The following DYNC1H1 variants were observed in gnomAD, a reference collection of about 807,000 sequenced individuals.
DYNC1H1 encodes the protein dynein cytoplasmic 1 heavy chain 1.
A neutral mutation model predicts 527.1 loss-of-function variants in DYNC1H1; 51 were observed. The ratio of observed to expected loss-of-function variants is 0.10; its 90% confidence interval spans 0.08 to 0.12. The LOEUF is 0.12. DYNC1H1 is among the 10% of genes least tolerant of loss of function. The probability of loss-of-function intolerance (pLI) is 1.00; values close to 1 mark genes in which losing one functional copy is unlikely to be tolerated. For missense variants in DYNC1H1, 2,771 were observed against 5,971.8 expected (o/e 0.46, Z 17.66); for synonymous variants, 2,189 against 2,278.8 (o/e 0.96, Z 1.12).
chr14:102,039,348 C>A lies in DYNC1H1; in HGVS notation c.11461-64C>A. On this transcript the variant is annotated intron_variant, in intron 60 of 77. Transcript: ENST00000360184. The surrounding 1 kb of genome is among the most constrained non-coding windows in gnomAD (Gnocchi z 7.0). ...CGGGCCCTGCACAGTAGCTCCTTGG[C>A]CACGCAGAAGTTCAGCGGGGTGCCG... 1 of 1,611,710 alleles carries A rather than the reference C, an allele frequency of 6.2e-7. No homozygotes were observed. Among genetic ancestry groups the A allele is most frequent in the African/African-American group, 1.3e-5 (1 of 75,030 alleles).
In DYNC1H1 at chr14:102,039,251, G is replaced by A. The variant is rs756719644; in HGVS notation, c.11457G>A (p.Lys3819=). Residue 3819 remains lysine, a synonymous_variant, in exon 60 of 78, where the codon AAG becomes AAA. Transcript: ENST00000360184. This position sits in a 1 kb window ranked among gnomAD's most constrained non-coding sequence, Gnocchi z 7.0. ...SSIYFTMESL[K]QIHFLYQYSL... is the part of the protein sequence containing the mutation. ...TCTACTTCACCATGGAGTCCCTCAA[G>A]CAGGTGGGTGCCTTGGCCATGCAGA... 1 of 1,613,386 alleles carries A rather than the reference G, an allele frequency of 6.2e-7. No homozygotes were observed. The highest frequency in any genetic ancestry group is 8.5e-7 in the Non-Finnish European group (1 of 1,180,024).
chr14:101,982,876 C>T (rs2047884727), intron 5 of DYNC1H1, 143 bp from the exon 6 acceptor site: 1 of 991,974 alleles, frequency 1.0e-6, no homozygotes, highest in Non-Finnish European at 1.5e-6. Context: ...CTGTTAATAA[C>T]GTGTTGTTTT....
In DYNC1H1 at chr14:102,041,748, A is replaced by G. The variant is rs759719669; in HGVS notation, c.12102+14A>G. ...GTGGGCACAGAGGTAATGTCCTGGT[A>G]CAGCCCGGGCTTCCCACGAGACTCC... On this transcript the variant is annotated intron_variant, in intron 65 of 77. Coordinates refer to ENST00000360184, the MANE Select transcript of DYNC1H1 (RefSeq NM_001376.5). The surrounding 1 kb of genome is among the most constrained non-coding windows in gnomAD (Gnocchi z 4.5). 4 of 1,613,766 alleles carry G rather than the reference A, an allele frequency of 2.5e-6. No homozygotes were observed. The Admixed American group carries it at 6.7e-5, about 27-fold the overall frequency.
At chr14:102,030,050 G>A in intron 50 of DYNC1H1, 112 bp downstream of exon 50, 3 of 1,563,568 alleles carry the variant, frequency 1.9e-6, no homozygotes, top group South Asian at 1.1e-5. Context: ...GGGAGGGAGG[G>A]AGAGAGAGTG....
intron 1 of DYNC1H1, among the ~76,000 whole-genome samples, chr14:101,973,238 A>G (rs2047760109): frequency 6.7e-6 from 1 of 149,606 alleles, no homozygotes; most frequent in Non-Finnish European, 1.5e-5. Context: ...AGCTCACTGC[A>G]ACCTCCACCT....
In DYNC1H1 at chr14:102,036,298, A is replaced by G. The variant is rs527539123; in HGVS notation, c.10755-191A>G. ...TACCTCCTCATGCCAATAGTTGTTC[A>G]AAAGGATGAGGTGATGTTAGCATTA... On this transcript the variant is annotated intron_variant, in intron 56 of 77. Transcript: ENST00000360184. The surrounding 1 kb of genome is among the most constrained non-coding windows in gnomAD (Gnocchi z 5.6). The G allele has an allele frequency of 1.1e-5, 7 of 645,628 alleles. No homozygotes were observed. The highest frequency in any genetic ancestry group is 1.9e-5 in the Non-Finnish European group (7 of 368,146). 40.0% of individuals were successfully genotyped at this position (645,628 alleles called of 1,614,324 possible). A position where few individuals can be genotyped will look rare whatever the true frequency, so the allele number is the denominator to read the frequency against.
rs2048401582 is a variant in DYNC1H1, at chr14:102,022,811, G to T, written c.8568G>T (p.Lys2856Asn). The T allele has an allele frequency of 6.2e-7, 1 of 1,614,088 alleles. No homozygotes were observed. The highest frequency in any genetic ancestry group is 1.7e-5 in the Admixed American group (1 of 60,006). ...AGAACATCGACACGGTTGCTCTGAA[G>T]CACTTCCCTAACATCGACAGAGAGA... ...TDENIDTVAL[K>N]HFPNIDREKA... is the part of the protein sequence containing the mutation. The change falls in exon 43 of 78, where the codon AAG becomes AAT. Residue 2856 changes from lysine to asparagine, a missense_variant. Around this residue, in one of 32 missense-constraint regions of DYNC1H1, gnomAD observed 163 missense variants for 346.9 expected, o/e 0.47. Transcript: ENST00000360184.
intron 52 of DYNC1H1, 178 bp downstream of exon 52, chr14:102,032,645 A>T (rs1044474904): frequency 3.8e-6 from 3 of 789,318 alleles, no homozygotes; most frequent in Non-Finnish European, 6.2e-6. Context: ...TGAGCCTAGG[A>T]GTTAGAGACC....
rs1567028855 is a variant in DYNC1H1 at position 102,056,117 on chromosome 14, C to A, written c.*5554C>A. ...AAAGACAGGCAGCCCGGCGCCAGGCCCAAAACCAGGCCTGGGCCTGCCTGG... is the reference window on the plus strand; with the variant it reads ...AAAGACAGGCAGCCCGGCGCCAGGCACAAAACCAGGCCTGGGCCTGCCTGG... On this transcript the variant is annotated 3_prime_UTR_variant, in exon 78 of 78. Coordinates refer to ENST00000360184, the MANE Select transcript of DYNC1H1 (RefSeq NM_001376.5). The A allele has an allele frequency of 6.6e-6, 1 of 152,180 alleles. No individual in the cohort carries two copies. The highest frequency in any genetic ancestry group is 1.9e-4 in the East Asian group (1 of 5,188). The allele number at this position is 152,180 out of a possible 1,614,324, so 9.4% of individuals were successfully genotyped here.
rs1566997890 is a variant in DYNC1H1 at position 101,983,466 on chromosome 14, A to C, written c.1318A>C (p.Arg440=). ...LQVLLRDIVK[R]KREENLKMVW... is the part of the protein sequence containing the mutation. ...GGTATTGTTGAGAGACATCGTCAAAAGAAAAAGGGAAGAAAATCTGAAGAT... is the reference window on the plus strand; with the variant it reads ...GGTATTGTTGAGAGACATCGTCAAACGAAAAAGGGAAGAAAATCTGAAGAT... Residue 440 remains arginine (R), a synonymous_variant, in exon 7 of 78, where the codon AGA becomes CGA. Transcript: ENST00000360184. This position sits in a 1 kb window ranked among gnomAD's most constrained non-coding sequence, Gnocchi z 5.3. 3.1e-6 allele frequency: 5 copies of C among 1,614,046 alleles called. No homozygotes were observed. The highest frequency in any genetic ancestry group is 4.2e-6 in the Non-Finnish European group (5 of 1,180,042).
chr14:102,032,101 A>G (rs544636158), intron 51 of DYNC1H1, among the ~76,000 whole-genome samples, 171 bp from the exon 52 acceptor site: 8 of 152,324 alleles, frequency 5.3e-5, no homozygotes, highest in South Asian at 4.1e-4. Context: ...TACTTACCCT[A>G]TTCCAGAGGG....
chr14:101,978,505 G>A (rs1370135003), intron 2 of DYNC1H1, among the ~76,000 whole-genome samples: 1 of 152,112 alleles, frequency 6.6e-6, no homozygotes, highest in Non-Finnish European at 1.5e-5. Context: ...ACTGGCAAGG[G>A]AATTAGAAAA....
Position 101,983,589 on chromosome 14 carries a change from G to C in DYNC1H1, c.1441G>C (p.Val481Leu), listed in dbSNP as rs770305875. The change falls in exon 7 of 78, where the codon GTC (valine) becomes CTC (leucine). Residue 481 changes from valine to leucine, a missense_variant. Around this residue, in one of 32 missense-constraint regions of DYNC1H1, gnomAD observed 264 missense variants for 619.4 expected, o/e 0.43. Transcript: ENST00000360184. This position sits in a 1 kb window ranked among gnomAD's most constrained non-coding sequence, Gnocchi z 5.3. ...RQHEQLRAVI[V>L]RVLRPQVTAV... ...GCATGAACAGCTAAGAGCTGTTATC[G>C]TCAGGGTCCTGAGGCCACAGGTAAG... is the stretch of plus-strand genomic sequence containing the variant. 24 of 1,614,102 alleles carry C rather than the reference G, an allele frequency of 1.5e-5. 1 individual carries two copies. The South Asian group carries it at 2.6e-4, about 18-fold the overall frequency.
Position 101,979,161 on chromosome 14 carries a change from A to G in DYNC1H1, c.345-158A>G, listed in dbSNP as rs2047834523. The stretch of plus-strand genomic sequence containing the variant: ...ATGTTTGTTCACATTCTGTAACCAT[A>G]ACCTTGATTCAGTAGCTCTCATGTA... On this transcript the variant is annotated intron_variant, in intron 2 of 77. Coordinates refer to ENST00000360184, the MANE Select transcript of DYNC1H1 (RefSeq NM_001376.5). The surrounding 1 kb of genome is among the most constrained non-coding windows in gnomAD (Gnocchi z 4.6). 6.6e-6 allele frequency among the ~76,000 whole-genome samples: 1 copy of G among 152,204 alleles called. No homozygotes were observed. The highest frequency in any genetic ancestry group is 2.4e-5 in the African/African-American group (1 of 41,446).
At position 102,030,173 on chromosome 14, in the gene DYNC1H1, A is replaced by G. The variant is rs528520653; in HGVS notation, c.9774A>G (p.Gln3258=). Residue 3258 remains glutamine, a synonymous_variant, in exon 51 of 78, where the codon CAA becomes CAG. Transcript: ENST00000360184. ...TCCCTCCTTTCTAGGTTATGAGCCA[A>G]GAAATCCAGGAACAGCTGCATAAGC... The part of the protein sequence containing the change: ...QEAEKKKVMS[Q]EIQEQLHKQQ... 1.1e-4 allele frequency: 174 copies of G among 1,614,200 alleles called. 5 individuals carry two copies. In the South Asian group the frequency reaches 1.8e-3, roughly 17 times the overall value.
rs923018997 is a variant in DYNC1H1, at chr14:102,049,299, T to C, written c.13373-141T>C. 8.1e-7 allele frequency: 1 copy of C among 1,241,238 alleles called. No individual in the cohort carries two copies. Among genetic ancestry groups the C allele is most frequent in the Non-Finnish European group, 1.1e-6 (1 of 875,376 alleles). 76.9% of individuals were successfully genotyped at this position (1,241,238 alleles called of 1,614,324 possible). ...TGAGGGCGGCGCCAGGGGCATAAAGTGCAGCCTGGGAAAGGCAGTAGGTGG... is the reference window on the plus strand; with the variant it reads ...TGAGGGCGGCGCCAGGGGCATAAAGCGCAGCCTGGGAAAGGCAGTAGGTGG... On this transcript the variant is annotated intron_variant, in intron 74 of 77. Coordinates refer to ENST00000360184, the MANE Select transcript of DYNC1H1 (RefSeq NM_001376.5). The surrounding 1 kb of genome is among the most constrained non-coding windows in gnomAD (Gnocchi z 5.5).
rs1417671768 is a variant in DYNC1H1, at chr14:101,994,798, C to T, written c.3282C>T (p.Asp1094=). ...TAAGGAAGGCCAGAGGAACCTTTGA[C>T]AATGCAGAAACCAAGAAAGAGTTTG... The part of the protein sequence containing the change: ...VQIRKARGTF[D]NAETKKEFGP... Residue 1094 remains aspartate, a synonymous_variant, in exon 13 of 78, where the codon GAC becomes GAT. Coordinates refer to ENST00000360184, the MANE Select transcript of DYNC1H1 (RefSeq NM_001376.5). 3 of 1,614,196 alleles carry T rather than the reference C, an allele frequency of 1.9e-6. No homozygotes were observed. The East Asian group carries it at 6.7e-5, about 36-fold the overall frequency.
intron 13 of DYNC1H1, 65 bp downstream of exon 13, chr14:101,994,914 G>C: frequency 6.2e-7 from 1 of 1,613,522 alleles, no homozygotes; most frequent in Admixed American, 1.7e-5. Flanking sequence ...CTGTTAGACT[G>C]ATATTCATTT....
At chr14:101,994,047 G>T in intron 11 of DYNC1H1, 137 bp from the exon 12 acceptor site, 1 of 1,199,706 alleles carries the variant, frequency 8.3e-7, no homozygotes, top group Non-Finnish European at 1.2e-6. Context: ...TGTGGCCAGG[G>T]TAAGTGGATG....
Sources: gnomAD v4.1 joint callset for allele counts (sites outside exome capture counted in the v4.1 genomes callset) on GRCh38, gnomAD v4.1.1 for gene constraint, gnomAD v4.1.1 regional missense constraint, Gnocchi (gnomAD v3.1) non-coding constraint, MANE v1.5 for transcripts, NCBI Gene and HGNC (gene_info 2026-07-23, HGNC 2026-07-21) for gene names.